Variants in SYT9 observed in about 807,000 individuals in gnomAD.
SYT9 encodes synaptotagmin 9.
A neutral mutation model predicts 48.4 loss-of-function variants in SYT9; 22 were observed. The observed-to-expected ratio is 0.45, with a 90% CI of 0.32 to 0.65. The LOEUF is 0.65. Among genes scored for constraint, SYT9 ranks in the 30% least tolerant of loss-of-function variants. The pLI is 0.03. For missense variants in SYT9, 577 were observed against 622.0 expected, an observed-to-expected ratio of 0.93 and a Z score of 0.77; for synonymous variants, 265 against 245.0, an observed-to-expected ratio of 1.08 and a Z score of -0.76.
intron 3 of SYT9, among the ~76,000 whole-genome samples, chr11:7,332,174 C>A (rs1023587983): frequency 2.0e-5 from 3 of 152,114 alleles, no homozygotes; most frequent in Non-Finnish European, 4.4e-5. Context: ...TCAGCTAAAG[C>A]CTTTCCTGAG....
At chr11:7,453,938 G>A (rs1032743950) in intron 6 of SYT9, 103 of 959,296 alleles carry the variant, frequency 1.1e-4, no homozygotes, top group Admixed American at 1.8e-4. Flanking sequence ...GAGCACCAGG[G>A]AAGAGGCCTT....
intron 3 of SYT9, among the ~76,000 whole-genome samples, chr11:7,396,494 T>C (rs1846755218): frequency 6.6e-6 from 1 of 152,192 alleles, no homozygotes; most frequent in African/African-American, 2.4e-5. Context: ...TACCACACTT[T>C]GTTTATTCAT....
intron 3 of SYT9, among the ~76,000 whole-genome samples, chr11:7,332,979 C>A (rs1178895336): frequency 6.6e-6 from 1 of 152,236 alleles, no homozygotes; most frequent in Non-Finnish European, 1.5e-5. Context: ...AGTTTCCTGA[C>A]AGAAAGCCTT....
chr11:7,300,378 A>C (rs1051617695), intron 1 of SYT9, among the ~76,000 whole-genome samples: 1 of 152,246 alleles, frequency 6.6e-6, no homozygotes, highest in African/African-American at 2.4e-5. Context: ...CTTTGCTTCA[A>C]GGTGGCATGG....
intron 6 of SYT9, among the ~76,000 whole-genome samples, chr11:7,453,701 A>C (rs1848100328): frequency 6.6e-6 from 1 of 152,224 alleles, no homozygotes; most frequent in Non-Finnish European, 1.5e-5. Context: ...CCAGAAGCAG[A>C]CAGCCAAGCA....
intron 1 of SYT9, among the ~76,000 whole-genome samples, chr11:7,285,476 G>A (rs767775294): frequency 2.0e-5 from 3 of 152,128 alleles, no homozygotes; most frequent in Non-Finnish European, 2.9e-5. Flanking sequence ...CATGACACAT[G>A]GGGATTATGG....
intron 3 of SYT9, among the ~76,000 whole-genome samples, chr11:7,372,082 A>G (rs946663244): frequency 1.3e-5 from 2 of 152,194 alleles, no homozygotes; most frequent in South Asian, 4.1e-4. Flanking sequence ...AAACACAAAT[A>G]TCTTTTCAAA....
intron 6 of SYT9, chr11:7,427,303 G>A (rs867420935): frequency 6.6e-6 from 1 of 152,164 alleles, no homozygotes; most frequent in African/African-American, 2.4e-5. Context: ...TCTCTATTTA[G>A]GAGAAGAACA....
At chr11:7,345,186 G>A (rs1015600124) in intron 3 of SYT9, among the ~76,000 whole-genome samples, 1 of 152,102 alleles carries the variant, frequency 6.6e-6, no homozygotes, top group African/African-American at 2.4e-5. Context: ...CAAATTCTAG[G>A]GGGGATGGCC....
upstream of SYT9, among the ~76,000 whole-genome samples, chr11:7,246,916 A>G (rs923918182): frequency 2.5e-4 from 38 of 152,178 alleles, no homozygotes; most frequent in African/African-American, 8.7e-4. Context: ...AAAATAGCAT[A>G]TACTGGGTGG....
At chr11:7,459,227 G>A (rs7113222) in intron 6 of SYT9, among the ~76,000 whole-genome samples, 47,457 of 152,128 alleles carry the variant, frequency 0.31, 8,931 homozygotes, top group African/African-American at 0.51. Context: ...AGACCTAATA[G>A]GTTTGAAGCA....
At chr11:7,400,128 G>A (rs893999742) in intron 3 of SYT9, among the ~76,000 whole-genome samples, 1 of 152,288 alleles carries the variant, frequency 6.6e-6, no homozygotes, top group South Asian at 2.1e-4. Flanking sequence ...ACACTTTCTT[G>A]CACAGCATGC....
At chr11:7,245,445 G>GT (rs1231389061) in intron 1 of SYT9, among the ~76,000 whole-genome samples, 4 of 142,376 alleles carry the variant, frequency 2.8e-5, no homozygotes, top group East Asian at 4.0e-4. Context: ...TTTTGTTTTT[G>GT]TTTTTTGAGT....
chr11:7,412,523 T>G (rs142835291), intron 3 of SYT9, among the ~76,000 whole-genome samples: 18 of 152,300 alleles, frequency 1.2e-4, no homozygotes, highest in African/African-American at 3.6e-4. Flanking sequence ...TGGTAAAGTT[T>G]TCTGGGAACT....
chr11:7,381,947 T>C (rs944764661), intron 3 of SYT9, among the ~76,000 whole-genome samples: 2 of 152,174 alleles, frequency 1.3e-5, no homozygotes, highest in Non-Finnish European at 2.9e-5. Flanking sequence ...ATCCCAATCA[T>C]GTGGGGAAGG....
chr11:7,424,176 ATGGAATC>A (rs1219467533), intron 6 of SYT9, among the ~76,000 whole-genome samples: 1 of 152,212 alleles, frequency 6.6e-6, no homozygotes, highest in Non-Finnish European at 1.5e-5. Flanking sequence ...CAGGTGGCAG[ATGGAATC>A]TTCAAAGCCA....
At chr11:7,243,180 A>G (rs1847757097) in intron 1 of SYT9, among the ~76,000 whole-genome samples, 1 of 152,254 alleles carries the variant, frequency 6.6e-6, no homozygotes, top group Non-Finnish European at 1.5e-5. Flanking sequence ...AGACAGCAAT[A>G]ATTTTGCAGT....
intron 1 of SYT9, among the ~76,000 whole-genome samples, chr11:7,266,186 G>A (rs1015221005): frequency 1.3e-5 from 2 of 152,094 alleles, no homozygotes; most frequent in African/African-American, 2.4e-5. Context: ...TGAGAAAACA[G>A]TGCTGCTTGC....
intron 6 of SYT9, among the ~76,000 whole-genome samples, chr11:7,464,745 G>A (rs11041403): frequency 0.038 from 5,714 of 152,178 alleles, 118 homozygotes; most frequent in East Asian, 0.073. Flanking sequence ...TTGAAAGAGC[G>A]GCTAGGGAAC....
Sources: gnomAD v4.1 joint callset for allele counts (sites outside exome capture counted in the v4.1 genomes callset) on GRCh38, gnomAD v4.1.1 for gene constraint, MANE v1.5 for transcripts, NCBI Gene and HGNC (gene_info 2026-07-23, HGNC 2026-07-21) for gene names.